KIAA0825: variants seen among roughly 807,000 people sequenced by gnomAD.
The protein encoded by KIAA0825 is uncharacterized protein KIAA0825.
In KIAA0825, 119 loss-of-function variants were observed where a neutral mutation model predicts 147.6. That is an observed-to-expected ratio of 0.81 (90% CI 0.69 to 0.94). KIAA0825 has a LOEUF of 0.94. Ranked by LOEUF, KIAA0825 falls within the 40% of genes least tolerant of loss-of-function variation. KIAA0825 has a pLI of 0.00. For synonymous variants in KIAA0825, 470 were observed against 518.1 expected, an observed-to-expected ratio of 0.91 and a Z score of 1.26; for missense variants, 1,381 against 1,472.7, an observed-to-expected ratio of 0.94 and a Z score of 1.02.
In KIAA0825 at chr5:94,368,693, T is replaced by A. The variant is rs1266706809; in HGVS notation, c.3710+15675A>T. Among the ~76,000 whole-genome samples, 6 of 152,206 alleles carry A rather than the reference T, an allele frequency of 3.9e-5. No homozygotes were observed. In the East Asian group the frequency reaches 1.2e-3, roughly 29 times the overall value. ...GAAACACTCGGAGGCATGTATTCTC[T>A]AACAGAATTTAGATGATGGGAAATA... On this transcript the variant is annotated intron_variant, in intron 20 of 20. Coordinates refer to ENST00000682413, the MANE Select transcript of KIAA0825 (RefSeq NM_001145678.3).
At chr5:94,322,521 C>T (rs935836670) in intron 20 of KIAA0825, among the ~76,000 whole-genome samples, 1 of 151,874 alleles carries the variant, frequency 6.6e-6, no homozygotes, top group Non-Finnish European at 1.5e-5. Context: ...CTGCATTCTA[C>T]AGGCATGCCT....
At chr5:94,556,590 A>G (rs922600306) in intron 2 of KIAA0825, among the ~76,000 whole-genome samples, 2 of 152,204 alleles carry the variant, frequency 1.3e-5, no homozygotes, top group Non-Finnish European at 2.9e-5. Flanking sequence ...TATTGGTGAC[A>G]TTATTATTTA....
chr5:94,508,491 G>A (rs1766042788), intron 5 of KIAA0825, among the ~76,000 whole-genome samples: 1 of 151,882 alleles, frequency 6.6e-6, no homozygotes, highest in African/African-American at 2.4e-5. Flanking sequence ...GTTAATCTAA[G>A]GCAAACATTG....
chr5:94,581,372 G>C (rs1353010163), intron 2 of KIAA0825, among the ~76,000 whole-genome samples: 4 of 152,132 alleles, frequency 2.6e-5, no homozygotes, highest in Non-Finnish European at 5.9e-5. Flanking sequence ...GAGGAGCAAG[G>C]AATTCCACTT....
intron 20 of KIAA0825, among the ~76,000 whole-genome samples, chr5:94,214,339 A>T (rs1170879166): frequency 6.6e-6 from 1 of 152,152 alleles, no homozygotes; most frequent in African/African-American, 2.4e-5. Flanking sequence ...AGGAAATAAA[A>T]ATAAAACCCT....
At chr5:94,375,111 A>C (rs1437872931) in intron 20 of KIAA0825, among the ~76,000 whole-genome samples, 2 of 145,744 alleles carry the variant, frequency 1.4e-5, no homozygotes, top group Non-Finnish European at 3.0e-5. Flanking sequence ...GGCTCACTGC[A>C]ACCTCTGCCT....
chr5:94,241,742 T>C (rs1330476261), intron 20 of KIAA0825, among the ~76,000 whole-genome samples: 1 of 152,192 alleles, frequency 6.6e-6, no homozygotes, highest in Non-Finnish European at 1.5e-5. Flanking sequence ...TTAAAAGACT[T>C]AGACAGACTG....
intron 20 of KIAA0825, among the ~76,000 whole-genome samples, chr5:94,380,506 C>G (rs1748251192): frequency 6.6e-6 from 1 of 152,188 alleles, no homozygotes; most frequent in Admixed American, 6.5e-5. Flanking sequence ...AGGTGCTATT[C>G]TTATTGAGTT....
intron 20 of KIAA0825, among the ~76,000 whole-genome samples, chr5:94,221,898 T>G (rs1773697711): frequency 6.6e-6 from 1 of 152,208 alleles, no homozygotes; most frequent in African/African-American, 2.4e-5. Flanking sequence ...TTAAGATGTT[T>G]GTGGCTTGTT....
At chr5:94,155,530 AC>A (rs1160516109) in intron 20 of KIAA0825, among the ~76,000 whole-genome samples, 1 of 152,058 alleles carries the variant, frequency 6.6e-6, no homozygotes, top group Admixed American at 6.6e-5. Flanking sequence ...CTGTTCCCAT[AC>A]TAGTTTCCTT....
chr5:94,260,328 C>T (rs1562338752), intron 20 of KIAA0825, among the ~76,000 whole-genome samples: 1 of 152,142 alleles, frequency 6.6e-6, no homozygotes, highest in Admixed American at 6.5e-5. Context: ...AGTGAATGCA[C>T]TTAGCAAATT....
intron 2 of KIAA0825, among the ~76,000 whole-genome samples, chr5:94,565,549 C>T (rs569296306): frequency 6.6e-6 from 1 of 151,810 alleles, no homozygotes; most frequent in Non-Finnish European, 1.5e-5. Flanking sequence ...ACCATGTTGG[C>T]CAGGCTGGTC....
chr5:94,204,976 G>A (rs1358999000), intron 20 of KIAA0825, among the ~76,000 whole-genome samples: 2 of 151,900 alleles, frequency 1.3e-5, no homozygotes, highest in Non-Finnish European at 2.9e-5. Context: ...AAAAATTGTT[G>A]GGAATTCAGA....
At chr5:94,373,595 C>T (rs1456253901) in intron 20 of KIAA0825, among the ~76,000 whole-genome samples, 1 of 151,988 alleles carries the variant, frequency 6.6e-6, no homozygotes, top group African/African-American at 2.4e-5. Context: ...CTTCTAAAAC[C>T]ATCAGATCTC....
intron 2 of KIAA0825, among the ~76,000 whole-genome samples, chr5:94,542,315 T>C (rs1294624603): frequency 6.6e-6 from 1 of 152,218 alleles, no homozygotes; most frequent in Non-Finnish European, 1.5e-5. Flanking sequence ...ATGTTGCTGA[T>C]CTTTTGTTTT....
chr5:94,246,032 CTG>C, intron 20 of KIAA0825, among the ~76,000 whole-genome samples: 1 of 152,104 alleles, frequency 6.6e-6, no homozygotes, highest in Non-Finnish European at 1.5e-5. Context: ...CTTAGAGAAA[CTG>C]AGAGAATAAT....
At chr5:94,503,901 T>C (rs1403085160) in intron 5 of KIAA0825, among the ~76,000 whole-genome samples, 1 of 152,136 alleles carries the variant, frequency 6.6e-6, no homozygotes, top group Non-Finnish European at 1.5e-5. Context: ...AGAGCTAGAC[T>C]TCATCTTTAG....
intron 12 of KIAA0825, among the ~76,000 whole-genome samples, chr5:94,461,454 C>T (rs1175550971): frequency 6.6e-6 from 1 of 151,824 alleles, no homozygotes; most frequent in Non-Finnish European, 1.5e-5. Context: ...TAGTATCAAC[C>T]GTATGGTGAT....
chr5:94,243,534 G>A (rs1775459373), intron 20 of KIAA0825, among the ~76,000 whole-genome samples: 1 of 152,200 alleles, frequency 6.6e-6, no homozygotes, highest in African/African-American at 2.4e-5. Context: ...ACCTCCATAA[G>A]TGTAGCTGTC....
Sources: gnomAD v4.1 joint callset for allele counts (sites outside exome capture counted in the v4.1 genomes callset) on GRCh38, gnomAD v4.1.1 for gene constraint, MANE v1.5 for transcripts, NCBI Gene and HGNC (gene_info 2026-07-23, HGNC 2026-07-21) for gene names.